The following FOXF1 variants were observed in gnomAD, a reference collection of about 807,000 sequenced individuals.
FOXF1 encodes the protein forkhead box F1.
FOXF1 carries 9 observed loss-of-function variants against 26.6 expected under a neutral mutation model. The observed-to-expected ratio is 0.34, with a 90% CI of 0.20 to 0.59. FOXF1 has a LOEUF of 0.59. Among genes scored for constraint, FOXF1 ranks in the 20% least tolerant of loss-of-function variants. The pLI, the probability that FOXF1 is intolerant of heterozygous loss-of-function variation, is 0.83. For missense variants in FOXF1, 499 were observed against 549.9 expected, an observed-to-expected ratio of 0.91 and a Z score of 0.93; for synonymous variants, 330 against 257.7, an observed-to-expected ratio of 1.28 and a Z score of -2.69.
At position 86,513,547 on chromosome 16, in the gene FOXF1, A is replaced by T. The variant is rs202113816; in HGVS notation, c.*462A>T. The stretch of plus-strand genomic sequence containing the variant: ...TTGAGTATTTATCTTTTTATTTTTT[A>T]TTTTTTTTTTGAAAGAATGTCTTGG... On this transcript the variant is annotated 3_prime_UTR_variant, in exon 2 of 2. Transcript: ENST00000262426. 2.6e-4 allele frequency: 41 copies of T among 159,244 alleles called. No homozygotes were observed. Among genetic ancestry groups the T allele is most frequent in the Middle Eastern group, 3.2e-3 (1 of 308 alleles). The allele number at this position is 159,244 out of a possible 1,614,324, so 9.9% of individuals were successfully genotyped here. A position where few individuals can be genotyped will look rare whatever the true frequency, so the allele number is the denominator to read the frequency against.
chr16:86,511,568 G>T lies in FOXF1; in HGVS notation c.979+20G>T, dbSNP rs1372620819. 1.1e-5 allele frequency: 17 copies of T among 1,570,240 alleles called. No homozygotes were observed. The highest frequency in any genetic ancestry group is 1.5e-5 in the Non-Finnish European group (17 of 1,165,598). On this transcript the variant is annotated intron_variant, in intron 1 of 1. Transcript: ENST00000262426. The stretch of plus-strand genomic sequence containing the variant: ...TGCAAGGTGAGTGGGGAGGCCGAGG[G>T]CGCCCTGGTCCCCGGGAAGTCGAGT...
chr16:86,512,784 G>A (rs1969588064), intron 1 of FOXF1, 141 bp from the exon 2 acceptor site: 1 of 930,540 alleles, frequency 1.1e-6, no homozygotes, highest in Non-Finnish European at 1.7e-6. Flanking sequence ...TCGGGGAGGA[G>A]AGCGGGGAGG....
chr16:86,513,250 G>A lies in FOXF1; in HGVS notation c.*165G>A, dbSNP rs1969596869. 3 of 667,834 alleles carry A rather than the reference G, an allele frequency of 4.5e-6. No individual in the cohort carries two copies. Among genetic ancestry groups the A allele is most frequent in the South Asian group, 1.9e-5 (1 of 53,608 alleles). The allele number at this position is 667,834 out of a possible 1,614,324, so 41.4% of individuals were successfully genotyped here. A position where few individuals can be genotyped will look rare whatever the true frequency, so the allele number is the denominator to read the frequency against. The stretch of plus-strand genomic sequence containing the variant: ...AAGGAGTCCCCAATGCAAAGACACA[G>A]CGCTGCGGTTGGCACCTCCTTCCTC... On this transcript the variant is annotated 3_prime_UTR_variant, in exon 2 of 2. Transcript: ENST00000262426.
In FOXF1 at chr16:86,511,037, C is replaced by T. The variant is rs964960392; in HGVS notation, c.468C>T (p.Ser156=). ...GCCAGGCGCTCAAGCCCATGTACAGCATGATGAACGGGCTCGGCTTCAACC... is the reference window on the plus strand; with the variant it reads ...GCCAGGCGCTCAAGCCCATGTACAGTATGATGAACGGGCTCGGCTTCAACC... ...RKCQALKPMY[S]MMNGLGFNHL... Residue 156 remains serine (S), a synonymous_variant, in exon 1 of 2, where the codon AGC becomes AGT. Transcript: ENST00000262426. 3.1e-6 allele frequency: 5 copies of T among 1,611,920 alleles called. No individual in the cohort carries two copies. The African/African-American group carries it at 6.7e-5, about 22-fold the overall frequency.
Position 86,511,333 on chromosome 16 carries a change from G to C in FOXF1, c.764G>C (p.Gly255Ala), listed in dbSNP as rs1597291609. Residue 255 changes from glycine to alanine, a missense_variant, in exon 1 of 2, where the codon GGG becomes GCG. Physicochemically the swap from Gly to Ala is moderately conservative, Grantham distance 60. Around this residue, in one of 5 missense-constraint regions of FOXF1, gnomAD observed 367 missense variants for 324.8 expected, o/e 1.13. Coordinates refer to ENST00000262426, the MANE Select transcript of FOXF1 (RefSeq NM_001451.3). ...CCGCTGCTGCCCACCGGCGCCGGTG[G>C]GGTCATGGAGCCGCACGCCGTCTAC... ...ASPLLPTGAG[G>A]VMEPHAVYSG... 2.8e-5 allele frequency: 43 copies of C among 1,529,540 alleles called. No individual in the cohort carries two copies. The East Asian group carries it at 1.1e-3, about 38-fold the overall frequency. 94.7% of individuals were successfully genotyped at this position (1,529,540 alleles called of 1,614,324 possible).
rs1321990049 is a variant in FOXF1 at position 86,512,944 on chromosome 16, G to A, written c.999G>A (p.Ser333=). ...AELQGIPRYH[S]QSPSMCDRKE... ...TTGCAGGCATCCCGCGGTATCACTC[G>A]CAGTCGCCCAGCATGTGTGACCGAA... Residue 333 remains serine, a synonymous_variant, in exon 2 of 2, where the codon TCG becomes TCA. Transcript: ENST00000262426. The A allele has an allele frequency of 8.7e-6, 14 of 1,614,116 alleles. No homozygotes were observed. Among genetic ancestry groups the A allele is most frequent in the South Asian group, 4.4e-5 (4 of 91,088 alleles).
At position 86,511,204 on chromosome 16, in the gene FOXF1, C is replaced by T. The variant is rs1268295151; in HGVS notation, c.635C>T (p.Ser212Leu). ...NVDGMALPSH[S>L]VPHLPSNGGH... is the part of the protein sequence containing the mutation. ...GACGGCATGGCCCTGCCCAGCCACTCGGTGCCCCACCTGCCTTCCAACGGC... is the reference window on the plus strand; with the variant it reads ...GACGGCATGGCCCTGCCCAGCCACTTGGTGCCCCACCTGCCTTCCAACGGC... Residue 212 changes from serine to leucine, a missense_variant, in exon 1 of 2, where the codon TCG (serine) becomes TTG (leucine). Physicochemically the swap from Ser to Leu is moderately radical, Grantham distance 145. This residue lies in a region of FOXF1 where 367 missense variants were observed against 324.8 expected (regional missense o/e 1.13). Transcript: ENST00000262426. 1.3e-6 allele frequency: 2 copies of T among 1,551,898 alleles called. No homozygotes were observed. The highest frequency in any genetic ancestry group is 1.7e-6 in the Non-Finnish European group (2 of 1,155,698).
chr16:86,510,901 A>G lies in FOXF1; in HGVS notation c.332A>G (p.Lys111Arg). 2 of 1,613,804 alleles carry G rather than the reference A, an allele frequency of 1.2e-6. No homozygotes were observed. Among genetic ancestry groups the G allele is most frequent in the Non-Finnish European group, 8.5e-7 (1 of 1,179,992 alleles). ...SLNECFIKLP[K>R]GLGRPGKGHY... ...AACGAGTGCTTCATCAAGCTACCCAAGGGCCTTGGGCGGCCCGGCAAGGGC... is the reference window on the plus strand; with the variant it reads ...AACGAGTGCTTCATCAAGCTACCCAGGGGCCTTGGGCGGCCCGGCAAGGGC... The change falls in exon 1 of 2, where the codon AAG (lysine) becomes AGG (arginine). Residue 111 changes from lysine (K) to arginine (R), a missense_variant. Around this residue, in one of 5 missense-constraint regions of FOXF1, gnomAD observed 36 missense variants for 73.7 expected, o/e 0.49. Transcript: ENST00000262426.
At position 86,513,676 on chromosome 16, in the gene FOXF1, G is replaced by T. The variant is rs75593355; in HGVS notation, c.*591G>T. 0.044 allele frequency: 6,665 copies of T among 153,128 alleles called. 178 individuals are homozygous for T. The highest frequency in any genetic ancestry group is 0.092 in the Middle Eastern group (27 of 292). The allele number at this position is 153,128 out of a possible 1,614,324, so 9.5% of individuals were successfully genotyped here. A position where few individuals can be genotyped will look rare whatever the true frequency, so the allele number is the denominator to read the frequency against. On this transcript the variant is annotated 3_prime_UTR_variant, in exon 2 of 2. Transcript: ENST00000262426. ...CCTCCCCACCTCCGAAGTCTCCTCC[G>T]TGGACCACAGGTGGATCTTTGTGCG...
At chr16:86,512,533 G>C (rs1212085972) in intron 1 of FOXF1, among the ~76,000 whole-genome samples, 1 of 152,234 alleles carries the variant, frequency 6.6e-6, no homozygotes, top group Non-Finnish European at 1.5e-5. Flanking sequence ...CAACCCCGCC[G>C]GCAGTCGTAG....
rs997222555 is a variant in FOXF1, at chr16:86,513,759, C to G, written c.*674C>G. ...TTTAAACAGAAAGTCAAAGGAGCCA[C>G]GAAGCAAGCGGCCGTCCGGGCGTCC... On this transcript the variant is annotated 3_prime_UTR_variant, in exon 2 of 2. Transcript: ENST00000262426. 1 of 152,314 alleles carries G rather than the reference C, an allele frequency of 6.6e-6. No homozygotes were observed. The highest frequency in any genetic ancestry group is 2.4e-5 in the African/African-American group (1 of 41,466). 9.4% of individuals were successfully genotyped at this position (152,314 alleles called of 1,614,324 possible).
rs747577307 is a variant in FOXF1 at position 86,513,065 on chromosome 16, A to G, written c.1120A>G (p.Ile374Val). Residue 374 changes from isoleucine to valine, a missense_variant, in exon 2 of 2, where the codon ATC (isoleucine) becomes GTC (valine). Coordinates refer to ENST00000262426, the MANE Select transcript of FOXF1 (RefSeq NM_001451.3). ...YYHQQVTYQD[I>V]KPCVM Reference sequence around the variant, plus strand: ...CCACCAGCAGGTCACCTACCAAGACATCAAGCCTTGCGTGATGTGAGGCTG... The same window carrying G: ...CCACCAGCAGGTCACCTACCAAGACGTCAAGCCTTGCGTGATGTGAGGCTG... The G allele has an allele frequency of 1.2e-6, 2 of 1,612,612 alleles. No homozygotes were observed. Among genetic ancestry groups the G allele is most frequent in the Admixed American group, 1.7e-5 (1 of 60,022 alleles).
At position 86,514,243 on chromosome 16, in the gene FOXF1, A is replaced by C; in HGVS notation, c.*1158A>C. ...AAATATATATATAATATGAAGGACT[A>C]CCCTCCTTTTTTTTTTTTGTATTTT... is the stretch of plus-strand genomic sequence containing the variant. On this transcript the variant is annotated 3_prime_UTR_variant, in exon 2 of 2. Transcript: ENST00000262426. 1.1e-5 allele frequency: 1 copy of C among 88,778 alleles called. No homozygotes were observed. The highest frequency in any genetic ancestry group is 2.4e-5 in the Non-Finnish European group (1 of 42,074). The allele number at this position is 88,778 out of a possible 1,614,324, so 5.5% of individuals were successfully genotyped here. A position where few individuals can be genotyped will look rare whatever the true frequency, so the allele number is the denominator to read the frequency against.
chr16:86,512,112 GCAGGAGGGTGCCGTGGC>G (rs1327115165), intron 1 of FOXF1, among the ~76,000 whole-genome samples: 1 of 152,246 alleles, frequency 6.6e-6, no homozygotes, highest in Non-Finnish European at 1.5e-5. Flanking sequence ...GGTGACTGAG[GCAGGAGGGTGCCGTGGC>G]CAGGCCCCGG....
chr16:86,514,917 C>CTTTGA lies in FOXF1; in HGVS notation c.*1832_*1833insTTTGA, dbSNP rs1383370347. 1.3e-5 allele frequency: 2 copies of CTTTGA among 151,998 alleles called. No homozygotes were observed. Among genetic ancestry groups the CTTTGA allele is most frequent in the East Asian group, 3.9e-4 (2 of 5,184 alleles). The allele number at this position is 151,998 out of a possible 1,614,324, so 9.4% of individuals were successfully genotyped here. A position where few individuals can be genotyped will look rare whatever the true frequency, so the allele number is the denominator to read the frequency against. On this transcript the variant is annotated 3_prime_UTR_variant, in exon 2 of 2. Coordinates refer to ENST00000262426, the MANE Select transcript of FOXF1 (RefSeq NM_001451.3). Reference sequence around the variant, plus strand: ...CCAATGAGAGTTTTACTTTGGGTTTCCGACTTTCTTGTTCTCTTGCTGTAG... The same window carrying CTTTGA: ...CCAATGAGAGTTTTACTTTGGGTTTCTTTGACGACTTTCTTGTTCTCTTGCTGTAG...
Position 86,513,013 on chromosome 16 carries a change from G to T in FOXF1, c.1068G>T (p.Met356Ile). 1.2e-6 allele frequency: 2 copies of T among 1,613,982 alleles called. No homozygotes were observed. Among genetic ancestry groups the T allele is most frequent in the South Asian group, 2.2e-5 (2 of 91,084 alleles). Residue 356 changes from methionine to isoleucine, a missense_variant, in exon 2 of 2, where the codon ATG becomes ATT. By Grantham distance (10) the Met-to-Ile change is conservative (BLOSUM62 1). This residue lies in a region of FOXF1 where 367 missense variants were observed against 324.8 expected (regional missense o/e 1.13). Coordinates refer to ENST00000262426, the MANE Select transcript of FOXF1 (RefSeq NM_001451.3). ...TCAACGCCATGGCGTCCTCTTCCAT[G>T]CACTCGGCCGGCGGGGGCTCCTACT... Reference protein sequence around the residue: ...FSFNAMASSSMHSAGGGSYYH... With the variant: ...FSFNAMASSSIHSAGGGSYYH...
Position 86,514,927 on chromosome 16 carries a change from T to C in FOXF1, c.*1842T>C, listed in dbSNP as rs927264380. ...TTTTACTTTGGGTTTCCGACTTTCT[T>C]GTTCTCTTGCTGTAGCTGTTATAAA... On this transcript the variant is annotated 3_prime_UTR_variant, in exon 2 of 2. Coordinates refer to ENST00000262426, the MANE Select transcript of FOXF1 (RefSeq NM_001451.3). 1 of 152,170 alleles carries C rather than the reference T, an allele frequency of 6.6e-6. No individual in the cohort carries two copies. Among genetic ancestry groups the C allele is most frequent in the Non-Finnish European group, 1.5e-5 (1 of 68,026 alleles). The allele number at this position is 152,170 out of a possible 1,614,324, so 9.4% of individuals were successfully genotyped here.
chr16:86,513,064 C>T lies in FOXF1; in HGVS notation c.1119C>T (p.Asp373=), dbSNP rs1011786550. ...ACCACCAGCAGGTCACCTACCAAGA[C>T]ATCAAGCCTTGCGTGATGTGAGGCT... is the stretch of plus-strand genomic sequence containing the variant. ...SYYHQQVTYQ[D]IKPCVM Residue 373 remains aspartate (D), a synonymous_variant, in exon 2 of 2, where the codon GAC becomes GAT. Transcript: ENST00000262426. 4 of 1,612,798 alleles carry T rather than the reference C, an allele frequency of 2.5e-6. No individual in the cohort carries two copies. Among genetic ancestry groups the T allele is most frequent in the South Asian group, 2.2e-5 (2 of 91,082 alleles).
chr16:86,512,804 T>G, intron 1 of FOXF1, 121 bp from the exon 2 acceptor site: 2 of 1,205,908 alleles, frequency 1.7e-6, no homozygotes, highest in Non-Finnish European at 2.4e-6. Context: ...GCGGCCGTGC[T>G]CTGGAGCCAG....
Sources: gnomAD v4.1 joint callset for allele counts (sites outside exome capture counted in the v4.1 genomes callset) on GRCh38, gnomAD v4.1.1 for gene constraint, gnomAD v4.1.1 regional missense constraint, MANE v1.5 for transcripts, NCBI Gene and HGNC (gene_info 2026-07-23, HGNC 2026-07-21) for gene names.